Variants in LRBA observed in about 807,000 individuals in gnomAD.
The protein encoded by LRBA is LPS responsive beige-like anchor protein, also known as lipopolysaccharide-responsive and beige-like anchor protein.
A neutral mutation model predicts 330.0 loss-of-function variants in LRBA; 176 were observed. That is an observed-to-expected ratio of 0.53 (90% CI 0.47 to 0.60). LRBA has a LOEUF of 0.60. Among genes scored for constraint, LRBA ranks in the 20% least tolerant of loss-of-function variants. The probability of loss-of-function intolerance (pLI) is 0.00; values close to 1 mark genes in which losing one functional copy is unlikely to be tolerated. For missense variants in LRBA, 3,259 were observed against 3,444.8 expected (o/e 0.95, Z 1.35); for synonymous variants, 1,230 against 1,193.0 (o/e 1.03, Z -0.64).
intron 36 of LRBA, among the ~76,000 whole-genome samples, chr4:150,698,054 A>C (rs1784795815): frequency 6.6e-6 from 1 of 152,184 alleles, no homozygotes; most frequent in Non-Finnish European, 1.5e-5. Context: ...TGTATGGTAA[A>C]ATACTTGCTT....
intron 28 of LRBA, among the ~76,000 whole-genome samples, chr4:150,838,206 C>T (rs975883687): frequency 1.3e-5 from 2 of 152,208 alleles, no homozygotes; most frequent in African/African-American, 4.8e-5. Flanking sequence ...CGATCTTTCT[C>T]TCTGGCTGCC....
chr4:150,536,859 G>C (rs186711151), intron 40 of LRBA, among the ~76,000 whole-genome samples: 1 of 152,040 alleles, frequency 6.6e-6, no homozygotes, highest in African/African-American at 2.4e-5. Flanking sequence ...ACAACATTCC[G>C]TTCTCATGAA....
At chr4:150,644,102 T>C (rs187390313) in intron 37 of LRBA, among the ~76,000 whole-genome samples, 30 of 152,070 alleles carry the variant, frequency 2.0e-4, no homozygotes, top group African/African-American at 5.3e-4. Flanking sequence ...AAGAGAAACG[T>C]AGACTTTAAA....
chr4:150,424,836 G>A lies in LRBA; in HGVS notation c.7042-9246C>T, dbSNP rs554974707. On this transcript the variant is annotated intron_variant, in intron 46 of 56. Transcript: ENST00000651943. ...CTCACCAGCGATATAACAAAACATT[G>A]AATGAAATGACGTTATTTGAGGACA... is the stretch of plus-strand genomic sequence containing the variant. 1.0e-3 allele frequency among the ~76,000 whole-genome samples: 152 copies of A among 152,328 alleles called. 1 individual carries two copies. Among genetic ancestry groups the A allele is most frequent in the Non-Finnish European group, 8.2e-4 (56 of 68,022 alleles).
chr4:150,698,338 T>C (rs1198614833), intron 36 of LRBA, among the ~76,000 whole-genome samples: 1 of 152,164 alleles, frequency 6.6e-6, no homozygotes, highest in Non-Finnish European at 1.5e-5. Context: ...TACCATAAAC[T>C]GAAAGCTTAA....
intron 2 of LRBA, among the ~76,000 whole-genome samples, chr4:151,004,966 G>A (rs1334033483): frequency 3.3e-5 from 5 of 152,118 alleles, no homozygotes; most frequent in African/African-American, 9.7e-5. Context: ...ACTCCAGCCT[G>A]GGCGACAGAG....
intron 2 of LRBA, among the ~76,000 whole-genome samples, chr4:150,975,151 T>A (rs1391137968): frequency 6.6e-6 from 1 of 152,004 alleles, no homozygotes; most frequent in African/African-American, 2.4e-5. Context: ...TAAAAACAAA[T>A]CTCTACTAAT....
chr4:150,848,667 A>C, intron 26 of LRBA, 151 bp downstream of exon 26: 1 of 506,220 alleles, frequency 2.0e-6, no homozygotes, highest in South Asian at 5.8e-5. Context: ...CAACTTACCA[A>C]CTACTACTAT....
chr4:150,763,004 G>A (rs1308558856), intron 34 of LRBA, among the ~76,000 whole-genome samples: 2 of 151,176 alleles, frequency 1.3e-5, no homozygotes, highest in Non-Finnish European at 3.0e-5. Context: ...CTTCTTTTGT[G>A]TTTTTGAAAA....
intron 37 of LRBA, among the ~76,000 whole-genome samples, chr4:150,670,495 T>C (rs1390160799): frequency 6.6e-6 from 1 of 152,242 alleles, no homozygotes; most frequent in Non-Finnish European, 1.5e-5. Flanking sequence ...GATAATCTTA[T>C]AGTTGCCCTT....
chr4:150,938,196 C>T (rs1268188648), intron 2 of LRBA, among the ~76,000 whole-genome samples: 2 of 151,652 alleles, frequency 1.3e-5, no homozygotes, highest in South Asian at 2.1e-4. Context: ...GTCAAAATTG[C>T]TTTTTTCTCT....
At chr4:150,390,781 T>C (rs1743800090) in intron 47 of LRBA, among the ~76,000 whole-genome samples, 1 of 152,150 alleles carries the variant, frequency 6.6e-6, no homozygotes. Flanking sequence ...AAGCAAAGGA[T>C]GACACAGAAA....
At chr4:150,559,666 TATATATTATATA>T (rs959846799) in intron 40 of LRBA, among the ~76,000 whole-genome samples, 4 of 86,732 alleles carry the variant, frequency 4.6e-5, no homozygotes, top group African/African-American at 1.4e-4. Flanking sequence ...AATTATAATA[TATATATTATATA>T]ATATATTATA....
intron 48 of LRBA, among the ~76,000 whole-genome samples, chr4:150,331,523 T>G (rs1734000855): frequency 6.6e-6 from 1 of 152,208 alleles, no homozygotes; most frequent in South Asian, 2.1e-4. Flanking sequence ...TAAGACATTT[T>G]GGCTTTAGGT....
chr4:150,765,958 T>A (rs1240132584), intron 34 of LRBA, among the ~76,000 whole-genome samples: 1 of 152,070 alleles, frequency 6.6e-6, no homozygotes, highest in East Asian at 1.9e-4. Flanking sequence ...TATCTTGGTA[T>A]GTCACAGGAA....
chr4:150,805,684 G>A (rs1394873323), intron 33 of LRBA, among the ~76,000 whole-genome samples: 1 of 151,624 alleles, frequency 6.6e-6, no homozygotes, highest in Non-Finnish European at 1.5e-5. Flanking sequence ...GAAACGAAAG[G>A]AAAGGAAAGG....
intron 34 of LRBA, among the ~76,000 whole-genome samples, chr4:150,787,043 C>A (rs140088684): frequency 0.028 from 4,246 of 152,200 alleles, 101 homozygotes; most frequent in Non-Finnish European, 0.04. Flanking sequence ...ACCAGCCTGG[C>A]CAACATGGTG....
chr4:150,449,588 G>A (rs1229389127), intron 44 of LRBA, among the ~76,000 whole-genome samples: 1 of 151,026 alleles, frequency 6.6e-6, no homozygotes, highest in Non-Finnish European at 1.5e-5. Flanking sequence ...ATAGAGGGTC[G>A]GCTAGAGAGT....
intron 42 of LRBA, among the ~76,000 whole-genome samples, chr4:150,485,644 T>G (rs1380636452): frequency 6.6e-6 from 1 of 151,840 alleles, no homozygotes; most frequent in Non-Finnish European, 1.5e-5. Flanking sequence ...GAGACCGGCC[T>G]GGAACAGATC....
Sources: allele counts gnomAD v4.1 joint callset (sites outside exome capture counted in the v4.1 genomes callset), GRCh38; gene constraint gnomAD v4.1.1; transcripts MANE v1.5; gene names NCBI Gene and HGNC (gene_info 2026-07-23, HGNC 2026-07-21).